LHFPL3: variants seen among roughly 807,000 people sequenced by gnomAD.
LHFPL3 encodes LHFPL tetraspan subfamily member 3 protein.
LHFPL3 carries 5 observed loss-of-function variants against 19.3 expected under a neutral mutation model. That is an observed-to-expected ratio of 0.26 (90% CI 0.14 to 0.54). The LOEUF is 0.54. Among genes scored for constraint, LHFPL3 ranks in the 20% least tolerant of loss-of-function variants. The pLI is 0.94. For missense variants in LHFPL3, 249 were observed against 307.4 expected, an observed-to-expected ratio of 0.81 and a Z score of 1.42; for synonymous variants, 133 against 126.2, an observed-to-expected ratio of 1.05 and a Z score of -0.36.
chr7:104,458,207 TG>T (rs1269647762), intron 1 of LHFPL3, among the ~76,000 whole-genome samples: 2 of 151,970 alleles, frequency 1.3e-5, no homozygotes, highest in Non-Finnish European at 2.9e-5. Context: ...ATGTCCTGAA[TG>T]GTAATGCCTA....
intron 2 of LHFPL3, among the ~76,000 whole-genome samples, chr7:104,812,982 T>G (rs115550279): frequency 6.6e-6 from 1 of 151,552 alleles, no homozygotes; most frequent in East Asian, 2.0e-4. Flanking sequence ...ATGTGGTGGC[T>G]CACACCTGTA....
chr7:104,452,184 A>T (rs1792451669), intron 1 of LHFPL3, among the ~76,000 whole-genome samples: 1 of 151,816 alleles, frequency 6.6e-6, no homozygotes, highest in Non-Finnish European at 1.5e-5. Context: ...ACAGGTATAG[A>T]TTGATTTGTG....
chr7:104,434,456 A>G (rs1792062331), intron 1 of LHFPL3, among the ~76,000 whole-genome samples: 1 of 152,244 alleles, frequency 6.6e-6, no homozygotes, highest in Non-Finnish European at 1.5e-5. Flanking sequence ...AAGGGGGTCT[A>G]GGATACAGAA....
At chr7:104,335,819 T>C (rs527642657) in intron 1 of LHFPL3, among the ~76,000 whole-genome samples, 12 of 148,426 alleles carry the variant, frequency 8.1e-5, no homozygotes, top group South Asian at 2.1e-4. Flanking sequence ...TTGCACTGTA[T>C]GTACATACCT....
intron 1 of LHFPL3, among the ~76,000 whole-genome samples, chr7:104,543,959 G>A (rs1052188033): frequency 1.3e-5 from 2 of 150,286 alleles, no homozygotes; most frequent in African/African-American, 4.9e-5. Context: ...GTTGATAGGT[G>A]CAGCAAACCA....
chr7:104,880,081 A>T (rs1075228), intron 2 of LHFPL3, among the ~76,000 whole-genome samples: 101,386 of 151,834 alleles, frequency 0.67, 34,796 homozygotes, highest in East Asian at 0.97. Context: ...GGGGCTGATA[A>T]GGTTTGGATA....
intron 2 of LHFPL3, among the ~76,000 whole-genome samples, chr7:104,899,652 A>G (rs1032232969): frequency 6.6e-6 from 1 of 152,238 alleles, no homozygotes; most frequent in African/African-American, 2.4e-5. Flanking sequence ...ACACTTTCAA[A>G]GTATTTCAAA....
At chr7:104,366,457 G>A (rs1790497717) in intron 1 of LHFPL3, among the ~76,000 whole-genome samples, 2 of 152,188 alleles carry the variant, frequency 1.3e-5, no homozygotes, top group East Asian at 3.9e-4. Flanking sequence ...TATCCAGGAT[G>A]ATGGCAGAAG....
At chr7:104,741,242 T>C (rs1232016480) in intron 2 of LHFPL3, among the ~76,000 whole-genome samples, 1 of 152,100 alleles carries the variant, frequency 6.6e-6, no homozygotes, top group Admixed American at 6.6e-5. Context: ...ACGAGATCAT[T>C]TGAAAGAAGT....
intron 1 of LHFPL3, among the ~76,000 whole-genome samples, chr7:104,526,667 ATGT>A (rs1344620740): frequency 3.3e-5 from 5 of 152,214 alleles, no homozygotes; most frequent in Non-Finnish European, 7.3e-5. Flanking sequence ...ACTTTTGTTG[ATGT>A]TGCAATTCAG....
chr7:104,881,873 A>G (rs1276580134), intron 2 of LHFPL3, among the ~76,000 whole-genome samples: 1 of 152,200 alleles, frequency 6.6e-6, no homozygotes, highest in Non-Finnish European at 1.5e-5. Flanking sequence ...GTCAGCCGCC[A>G]TCAACATGGA....
chr7:104,387,922 T>A (rs1267626765), intron 1 of LHFPL3, among the ~76,000 whole-genome samples: 1 of 152,198 alleles, frequency 6.6e-6, no homozygotes, highest in Non-Finnish European at 1.5e-5. Flanking sequence ...TAAGTAGTTT[T>A]TCTATCCTCC....
chr7:104,510,216 A>G (rs900949343), intron 1 of LHFPL3, among the ~76,000 whole-genome samples: 6 of 152,164 alleles, frequency 3.9e-5, no homozygotes, highest in Non-Finnish European at 5.9e-5. Context: ...CTTTCTGTAG[A>G]TACAGAAAAT....
chr7:104,440,568 C>T (rs1187623313), intron 1 of LHFPL3, among the ~76,000 whole-genome samples: 1 of 151,546 alleles, frequency 6.6e-6, no homozygotes, highest in East Asian at 1.9e-4. Flanking sequence ...TATAATAAAA[C>T]ATATATATAT....
At chr7:104,513,012 A>C (rs1793850575) in intron 1 of LHFPL3, among the ~76,000 whole-genome samples, 1 of 152,190 alleles carries the variant, frequency 6.6e-6, no homozygotes, top group Admixed American at 6.5e-5. Context: ...GTTCTCTTTC[A>C]GTGACCTATG....
intron 2 of LHFPL3, among the ~76,000 whole-genome samples, chr7:104,794,056 T>A (rs1381890392): frequency 1.3e-5 from 2 of 152,188 alleles, no homozygotes; most frequent in African/African-American, 4.8e-5. Flanking sequence ...CTTTGTGAAT[T>A]CACTGAACAT....
chr7:104,479,494 C>T (rs1006595280), intron 1 of LHFPL3, among the ~76,000 whole-genome samples: 5 of 151,950 alleles, frequency 3.3e-5, no homozygotes, highest in African/African-American at 7.3e-5. Flanking sequence ...CAGATTCAAG[C>T]GATTCTCCTG....
chr7:104,827,785 T>G (rs76682519), intron 2 of LHFPL3, among the ~76,000 whole-genome samples: 1,702 of 151,980 alleles, frequency 0.011, 69 homozygotes, highest in African/African-American at 0.039. Flanking sequence ...AAAAGTTATT[T>G]TGGAGATGCT....
At chr7:104,785,765 A>C (rs562070467) in intron 2 of LHFPL3, 1 of 152,122 alleles carries the variant, frequency 6.6e-6, no homozygotes, top group Non-Finnish European at 1.5e-5. Flanking sequence ...CATTCTCCAC[A>C]CTAGTGTCAG....
Sources: gnomAD v4.1 joint callset for allele counts (sites outside exome capture counted in the v4.1 genomes callset) on GRCh38, gnomAD v4.1.1 for gene constraint, MANE v1.5 for transcripts, NCBI Gene and HGNC (gene_info 2026-07-23, HGNC 2026-07-21) for gene names.